The following OR3A1 variants were observed in gnomAD, a reference collection of about 807,000 sequenced individuals.
OR3A1 encodes the protein olfactory receptor 3A1.
For missense variants in OR3A1, 402 were observed against 393.8 expected (o/e 1.02, Z -0.18); for synonymous variants, 145 against 160.0 (o/e 0.91, Z 0.71).
Position 3,292,313 on chromosome 17 carries a change from G to A in OR3A1, c.270C>T (p.Ser90=). Residue 90 remains serine, a synonymous_variant, in exon 2 of 2, where the codon TCC becomes TCT. Transcript: ENST00000323404. ...TVPSMLSRLL[S]RKRAVPCGAC... Reference sequence around the variant, plus strand: ...CCCCACAGGGAACTGCACGCTTGCGGGACAGGAGACGACTCAACATTGATG... The same window carrying A: ...CCCCACAGGGAACTGCACGCTTGCGAGACAGGAGACGACTCAACATTGATG... The A allele has an allele frequency of 6.8e-6, 11 of 1,614,164 alleles. No individual in the cohort carries two copies. Among genetic ancestry groups the A allele is most frequent in the Non-Finnish European group, 8.5e-6 (10 of 1,180,030 alleles).
chr17:3,293,973 C>A (rs1248846910), intron 1 of OR3A1, among the ~76,000 whole-genome samples: 2 of 151,834 alleles, frequency 1.3e-5, no homozygotes, highest in East Asian at 1.9e-4. Context: ...GTGGCCAGGG[C>A]GAGAACATTA....
chr17:3,298,065 C>G (rs1015224872), intron 1 of OR3A1, among the ~76,000 whole-genome samples: 1 of 152,098 alleles, frequency 6.6e-6, no homozygotes. Flanking sequence ...TTAGTTAAAA[C>G]AATCCATTCA....
chr17:3,296,489 G>T (rs945575767), intron 1 of OR3A1, among the ~76,000 whole-genome samples: 1 of 151,954 alleles, frequency 6.6e-6, no homozygotes, highest in African/African-American at 2.4e-5. Context: ...TAATAAACAA[G>T]TTCAAGAAAT....
At chr17:3,297,442 A>T (rs2048928237) in intron 1 of OR3A1, among the ~76,000 whole-genome samples, 1 of 151,932 alleles carries the variant, frequency 6.6e-6, no homozygotes, top group South Asian at 2.1e-4. Flanking sequence ...TTTATCTGGA[A>T]CATCCTCTAA....
chr17:3,294,227 G>A (rs1201702470), intron 1 of OR3A1, among the ~76,000 whole-genome samples: 2 of 151,062 alleles, frequency 1.3e-5, no homozygotes, highest in African/African-American at 4.9e-5. Flanking sequence ...TAAGAAAACA[G>A]AGTAAAAATA....
rs1361443770 is a variant in OR3A1 at position 3,291,815 on chromosome 17, A to C, written c.768T>G (p.Gly256=). 7 of 1,613,758 alleles carry C rather than the reference A, an allele frequency of 4.3e-6. No individual in the cohort carries two copies. Among genetic ancestry groups the C allele is most frequent in the Non-Finnish European group, 5.9e-6 (7 of 1,179,708 alleles). Residue 256 remains glycine (G), a synonymous_variant, in exon 2 of 2, where the codon GGT becomes GGG. Transcript: ENST00000323404. ...SHLTVVAIFY[G]SGIFNYMRLG... ...GTCGCATATAGTTAAAGATACCTGA[A>C]CCATAGAATATGGCAACCACAGTGA...
rs547307019 is a variant in OR3A1 at position 3,292,399 on chromosome 17, T to C, written c.184A>G (p.Met62Val). The change falls in exon 2 of 2, where the codon ATG (methionine) becomes GTG (valine). Residue 62 changes from methionine to valine, a missense_variant. Met to Val is a conservative substitution (Grantham distance 21). Transcript: ENST00000323404. ...GATAGGTTCCCCAGGAAGAAGTACATGGGGGTGTGGAGTTTGGGCTCCACC... is the reference window on the plus strand; with the variant it reads ...GATAGGTTCCCCAGGAAGAAGTACACGGGGGTGTGGAGTTTGGGCTCCACC... ...VLVEPKLHTP[M>V]YFFLGNLSVL... 1 of 1,613,602 alleles carries C rather than the reference T, an allele frequency of 6.2e-7. No homozygotes were observed. The highest frequency in any genetic ancestry group is 1.7e-5 in the Admixed American group (1 of 59,982).
chr17:3,295,179 G>T (rs564592940), intron 1 of OR3A1, among the ~76,000 whole-genome samples: 1 of 152,004 alleles, frequency 6.6e-6, no homozygotes, highest in African/African-American at 2.4e-5. Flanking sequence ...GAGATAGGAG[G>T]ACGTATGTGT....
chr17:3,293,337 TA>T (rs1275480142), intron 1 of OR3A1, among the ~76,000 whole-genome samples: 1 of 152,144 alleles, frequency 6.6e-6, no homozygotes, highest in Non-Finnish European at 1.5e-5. Flanking sequence ...AGATAAAGCA[TA>T]AAACTGGAGG....
At position 3,291,306 on chromosome 17, in the gene OR3A1, A is replaced by C. The variant is rs1355200118; in HGVS notation, c.*329T>G. 2 of 231,654 alleles carry C rather than the reference A, an allele frequency of 8.6e-6. No individual in the cohort carries two copies. Among genetic ancestry groups the C allele is most frequent in the East Asian group, 1.8e-4 (2 of 11,428 alleles). The allele number at this position is 231,654 out of a possible 1,614,324, so 14.3% of individuals were successfully genotyped here. A position where few individuals can be genotyped will look rare whatever the true frequency, so the allele number is the denominator to read the frequency against. ...TTTTCTGGGGTACTTCTGGCAACTA[A>C]GGCTGTAACCAACCAAAGAGTCATT... On this transcript the variant is annotated 3_prime_UTR_variant, in exon 2 of 2. Coordinates refer to ENST00000323404, the MANE Select transcript of OR3A1 (RefSeq NM_002550.3).
chr17:3,292,620 C>A, intron 1 of OR3A1, 32 bp from the exon 2 acceptor site: 5 of 1,471,570 alleles, frequency 3.4e-6, no homozygotes, highest in Admixed American at 2.0e-5. Flanking sequence ...GGAAAAGAAT[C>A]ACTCCTCCCA....
intron 1 of OR3A1, 79 bp from the exon 2 acceptor site, chr17:3,292,667 T>A (rs1567544854): frequency 8.1e-7 from 1 of 1,238,088 alleles, no homozygotes; most frequent in Admixed American, 2.6e-5. Context: ...ACAGACCCCC[T>A]TCTACTTGCC....
At chr17:3,297,286 A>T (rs2048926591) in intron 1 of OR3A1, among the ~76,000 whole-genome samples, 1 of 152,230 alleles carries the variant, frequency 6.6e-6, no homozygotes. Context: ...GAATTGACAT[A>T]TCTATAGGAG....
intron 1 of OR3A1, among the ~76,000 whole-genome samples, chr17:3,295,902 C>T (rs1372173838): frequency 2.6e-5 from 4 of 152,046 alleles, no homozygotes; most frequent in Non-Finnish European, 2.9e-5. Flanking sequence ...AGCATTGATA[C>T]GTAAAGCAAA....
Position 3,291,499 on chromosome 17 carries a change from T to C in OR3A1, c.*136A>G. 2 of 645,930 alleles carry C rather than the reference T, an allele frequency of 3.1e-6. No homozygotes were observed. Among genetic ancestry groups the C allele is most frequent in the African/African-American group, 1.8e-5 (1 of 55,018 alleles). 40.0% of individuals were successfully genotyped at this position (645,930 alleles called of 1,614,324 possible). ...CAGGGCTGCTTTCAGAAATGAAAAC[T>C]ATTATTCCCTACAAAAAGTCCTTCT... On this transcript the variant is annotated 3_prime_UTR_variant, in exon 2 of 2. Transcript: ENST00000323404.
At position 3,291,609 on chromosome 17, in the gene OR3A1, G is replaced by C. The variant is rs375262815; in HGVS notation, c.*26C>G. 1.7e-4 allele frequency: 262 copies of C among 1,537,592 alleles called. 3 individuals carry two copies. The South Asian group carries it at 3.1e-3, about 18-fold the overall frequency. ...GACTTTTCCTTTAGTACAAGACACA[G>C]GGAGAAAGGGTCAATTGAGACCTCC... On this transcript the variant is annotated 3_prime_UTR_variant, in exon 2 of 2. Coordinates refer to ENST00000323404, the MANE Select transcript of OR3A1 (RefSeq NM_002550.3).
At position 3,292,483 on chromosome 17, in the gene OR3A1, A is replaced by T. The variant is rs149826123; in HGVS notation, c.100T>A (p.Phe34Ile). 10,051 of 1,613,790 alleles carry T rather than the reference A, an allele frequency of 6.2e-3. 54 individuals carry two copies. Among genetic ancestry groups the T allele is most frequent in the Non-Finnish European group, 7.4e-3 (8,696 of 1,179,954 alleles). ...ACCGTGACCAGGTAGGCAAAGAGGA[A>T]GAGCACAAAGACAACTGGCTGCAGC... is the stretch of plus-strand genomic sequence containing the variant. ...PGLQPVVFVL[F>I]LFAYLVTVRG... Residue 34 changes from phenylalanine to isoleucine, a missense_variant, in exon 2 of 2, where the codon TTC (phenylalanine) becomes ATC (isoleucine). By Grantham distance (21) the Phe-to-Ile change is conservative (BLOSUM62 0). Coordinates refer to ENST00000323404, the MANE Select transcript of OR3A1 (RefSeq NM_002550.3).
chr17:3,292,199 G>A lies in OR3A1; in HGVS notation c.384C>T (p.Ala128=), dbSNP rs765524925. 1 of 1,614,026 alleles carries A rather than the reference G, an allele frequency of 6.2e-7. No individual in the cohort carries two copies. The highest frequency in any genetic ancestry group is 1.3e-5 in the African/African-American group (1 of 74,916). Residue 128 remains alanine, a synonymous_variant, in exon 2 of 2, where the codon GCC becomes GCT. Coordinates refer to ENST00000323404, the MANE Select transcript of OR3A1 (RefSeq NM_002550.3). The stretch of plus-strand genomic sequence containing the variant: ...TGCTGTAGGTGAGGGGCCGGCAGAT[G>A]GCCAGGAATCGGTCATAGGCCATGG... ...LTAMAYDRFL[A]ICRPLTYSTR...
chr17:3,292,003 T>C lies in OR3A1; in HGVS notation c.580A>G (p.Ser194Gly). The C allele has an allele frequency of 6.2e-7, 1 of 1,614,202 alleles. No individual in the cohort carries two copies. Among genetic ancestry groups the C allele is most frequent in the South Asian group, 1.1e-5 (1 of 91,080 alleles). ...LPQLFQLSCS[S>G]TQLNELLLFA... The stretch of plus-strand genomic sequence containing the variant: ...AGCAGCAGCTCATTGAGTTGGGTGC[T>C]GGAGCAGGAGAGCTGGAAGAGCTGT... The change falls in exon 2 of 2, where the codon AGC becomes GGC. Residue 194 changes from serine (S) to glycine (G), a missense_variant. Transcript: ENST00000323404.
Sources: gnomAD v4.1 joint callset for allele counts (sites outside exome capture counted in the v4.1 genomes callset) on GRCh38, gnomAD v4.1.1 for gene constraint, MANE v1.5 for transcripts, NCBI Gene and HGNC (gene_info 2026-07-23, HGNC 2026-07-21) for gene names.